Variants in PGM5 observed in about 807,000 individuals in gnomAD.
The protein encoded by PGM5 is phosphoglucomutase 5, also known as phosphoglucomutase-like protein 5.
In PGM5, 23 loss-of-function variants were observed where a neutral mutation model predicts 59.2. The observed-to-expected ratio is 0.39, with a 90% CI of 0.28 to 0.55. PGM5 has a LOEUF of 0.55. Ranked by LOEUF, PGM5 falls within the 20% of genes least tolerant of loss-of-function variation. The probability of loss-of-function intolerance (pLI) is 0.66; values close to 1 mark genes in which losing one functional copy is unlikely to be tolerated. For missense variants in PGM5, 574 were observed against 748.3 expected (o/e 0.77, Z 2.72); for synonymous variants, 214 against 286.0 (o/e 0.75, Z 2.54).
intron 6 of PGM5, among the ~76,000 whole-genome samples, chr9:68,458,473 T>G (rs1402771640): frequency 6.6e-6 from 1 of 152,256 alleles, no homozygotes; most frequent in East Asian, 1.9e-4. Flanking sequence ...GCTTTTTCTT[T>G]TAAATATTCT....
At chr9:68,415,247 C>A (rs1186240153) in intron 6 of PGM5, among the ~76,000 whole-genome samples, 2 of 149,342 alleles carry the variant, frequency 1.3e-5, no homozygotes, top group African/African-American at 2.6e-5. Flanking sequence ...GTCTGAAGAC[C>A]TAGAGAACTG....
intron 10 of PGM5, 53 bp from the exon 11 acceptor site, chr9:68,529,514 C>T: frequency 1.6e-6 from 2 of 1,285,056 alleles, no homozygotes; most frequent in Non-Finnish European, 2.2e-6. Context: ...ATCAGAATGC[C>T]CCAAAATGTA....
At chr9:68,394,509 A>G (rs1394517247) in intron 6 of PGM5, 1 of 152,066 alleles carries the variant, frequency 6.6e-6, no homozygotes, top group African/African-American at 2.4e-5. Flanking sequence ...GAAGGGCCAT[A>G]ACACGTGGTT....
At chr9:68,507,964 C>T (rs1260802604) in intron 10 of PGM5, among the ~76,000 whole-genome samples, 1 of 152,156 alleles carries the variant, frequency 6.6e-6, no homozygotes, top group African/African-American at 2.4e-5. Context: ...CCCTCAGGGC[C>T]TAGTGTCTAT....
chr9:68,397,116 T>C (rs1399910767), intron 6 of PGM5: 4 of 152,714 alleles, frequency 2.6e-5, no homozygotes, highest in African/African-American at 4.8e-5. Flanking sequence ...TGGCATTCTT[T>C]TGGGGCTTTG....
At chr9:68,463,166 GC>G (rs1823882469) in intron 6 of PGM5, among the ~76,000 whole-genome samples, 1 of 151,584 alleles carries the variant, frequency 6.6e-6, no homozygotes, top group Non-Finnish European at 1.5e-5. Flanking sequence ...CCTTCCCATG[GC>G]AAGAGTTTCT....
intron 10 of PGM5, among the ~76,000 whole-genome samples, chr9:68,518,572 G>T (rs1209685784): frequency 6.6e-6 from 1 of 152,146 alleles, no homozygotes; most frequent in Non-Finnish European, 1.5e-5. Context: ...AATACACCAA[G>T]ATGTTGAAAT....
intron 6 of PGM5, chr9:68,399,171 C>A (rs1554680323): frequency 6.6e-6 from 1 of 152,086 alleles, no homozygotes; most frequent in East Asian, 1.9e-4. Flanking sequence ...GCTTATTTGT[C>A]CATGAGTGCA....
intron 6 of PGM5, among the ~76,000 whole-genome samples, chr9:68,401,984 T>G (rs1306625244): frequency 3.3e-5 from 5 of 151,924 alleles, no homozygotes; most frequent in African/African-American, 1.2e-4. Context: ...GAATTTTGGC[T>G]GGGCGCGGTG....
intron 9 of PGM5, among the ~76,000 whole-genome samples, chr9:68,496,534 C>G (rs1380713403): frequency 6.6e-6 from 1 of 152,306 alleles, no homozygotes; most frequent in Non-Finnish European, 1.5e-5. Context: ...GATGCTGGAC[C>G]ATTTCCAGTA....
intron 6 of PGM5, among the ~76,000 whole-genome samples, chr9:68,425,649 A>G (rs1362576647): frequency 6.6e-6 from 1 of 152,146 alleles, no homozygotes; most frequent in East Asian, 1.9e-4. Flanking sequence ...AATAGGTCAC[A>G]TGCTAAATAT....
intron 1 of PGM5, among the ~76,000 whole-genome samples, chr9:68,375,522 C>G (rs1334782396): frequency 2.0e-5 from 3 of 152,196 alleles, no homozygotes; most frequent in East Asian, 3.9e-4. Context: ...GCTCTTGCCC[C>G]CCTTCAAGGT....
At chr9:68,514,121 A>G (rs1053544074) in intron 10 of PGM5, among the ~76,000 whole-genome samples, 11 of 152,202 alleles carry the variant, frequency 7.2e-5, no homozygotes, top group Admixed American at 5.2e-4. Flanking sequence ...ACTGACTCAG[A>G]TTCTGTATTT....
intron 9 of PGM5, among the ~76,000 whole-genome samples, chr9:68,492,906 T>C (rs1376788963): frequency 6.6e-6 from 1 of 152,240 alleles, no homozygotes; most frequent in Non-Finnish European, 1.5e-5. Context: ...AAGCAGTATC[T>C]TCACCTTGAC....
intron 10 of PGM5, among the ~76,000 whole-genome samples, chr9:68,502,838 C>T (rs1002579661): frequency 5.3e-5 from 8 of 152,016 alleles, no homozygotes; most frequent in South Asian, 4.2e-4. Flanking sequence ...TACAGGTGAC[C>T]GCCACCATCC....
intron 10 of PGM5, among the ~76,000 whole-genome samples, chr9:68,528,940 T>C (rs1248758733): frequency 1.3e-5 from 2 of 152,194 alleles, no homozygotes; most frequent in African/African-American, 4.8e-5. Flanking sequence ...CTCCTTCTCA[T>C]GTCCTTCAAC....
intron 9 of PGM5, chr9:68,497,467 T>G (rs555762085): frequency 3.6e-4 from 55 of 152,178 alleles, no homozygotes; most frequent in Admixed American, 2.7e-3. Context: ...CAAAAGAAAC[T>G]AAAGCTATTT....
chr9:68,455,610 G>A (rs1247202398), intron 6 of PGM5, among the ~76,000 whole-genome samples: 2 of 152,140 alleles, frequency 1.3e-5, no homozygotes, highest in Admixed American at 6.6e-5. Flanking sequence ...TTGGCTTCAG[G>A]AGCATGCACA....
chr9:68,483,611 T>G (rs1405505944), intron 8 of PGM5, among the ~76,000 whole-genome samples: 1 of 152,226 alleles, frequency 6.6e-6, no homozygotes, highest in Admixed American at 6.5e-5. Context: ...TGTTGAGTTT[T>G]GTTCTCAATG....
Sources: gnomAD v4.1 joint callset for allele counts (sites outside exome capture counted in the v4.1 genomes callset) on GRCh38, gnomAD v4.1.1 for gene constraint, MANE v1.5 for transcripts, NCBI Gene and HGNC (gene_info 2026-07-23, HGNC 2026-07-21) for gene names.